Variants in SATB2 observed in about 807,000 individuals in gnomAD.
SATB2 encodes DNA-binding protein SATB2.
A neutral mutation model predicts 73.4 loss-of-function variants in SATB2; 1 was observed. That is an observed-to-expected ratio of 0.01 (90% CI 0.00 to 0.06). The LOEUF (loss-of-function observed/expected upper bound fraction) is 0.06, where lower values mean the gene tolerates loss of function less well. Ranked by LOEUF, SATB2 falls within the 10% of genes least tolerant of loss-of-function variation. SATB2 has a pLI of 1.00. For missense variants in SATB2, 459 were observed against 945.8 expected (o/e 0.49, Z 6.75); for synonymous variants, 397 against 367.0 (o/e 1.08, Z -0.93).
chr2:199,353,896 GC>G (rs35074365), intron 6 of SATB2, among the ~76,000 whole-genome samples: 1 of 152,120 alleles, frequency 6.6e-6, no homozygotes, highest in Non-Finnish European at 1.5e-5. Flanking sequence ...CATCACCTTG[GC>G]CCTAAGGGCC....
chr2:199,417,036 TCA>T (rs55763647), intron 3 of SATB2, among the ~76,000 whole-genome samples: 68,308 of 143,864 alleles, frequency 0.47, 16,059 homozygotes, highest in African/African-American at 0.49. Context: ...ACTCCGTCTC[TCA>T]CACACACACA....
Position 199,348,890 on chromosome 2 carries a change from A to G in SATB2, c.984T>C (p.Ala328=). 2 of 1,614,186 alleles carry G rather than the reference A, an allele frequency of 1.2e-6. No individual in the cohort carries two copies. Among genetic ancestry groups the G allele is most frequent in the Non-Finnish European group, 1.7e-6 (2 of 1,180,032 alleles). Residue 328 remains alanine (A), a synonymous_variant, in exon 7 of 11, where the codon GCT becomes GCC. Coordinates refer to ENST00000417098, the MANE Select transcript of SATB2 (RefSeq NM_001172509.2). ...NQQIAVSRLL[A]HQHPQAINQQ... is the part of the protein sequence containing the mutation. ...GGTTGATGGCTTGAGGATGCTGGTG[A>G]GCCAGGAGCCGGCTAACGGCAATCT...
At chr2:199,348,579 A>T in intron 7 of SATB2, 122 bp downstream of exon 7, 1 of 787,972 alleles carries the variant, frequency 1.3e-6, no homozygotes, top group Non-Finnish European at 2.1e-6. Flanking sequence ...AAGGATTATT[A>T]ATTAATCTAA....
Position 199,455,730 on chromosome 2 carries a change from GA to G in SATB2, c.169+138del, listed in dbSNP as rs1692252356. 3 of 934,896 alleles carry G rather than the reference GA, an allele frequency of 3.2e-6. No individual in the cohort carries two copies. The highest frequency in any genetic ancestry group is 4.9e-6 in the Non-Finnish European group (3 of 614,496). The allele number at this position is 934,896 out of a possible 1,614,324, so 57.9% of individuals were successfully genotyped here. ...AAGCTACCAGTTGCAGATGAGAGGC[GA>G]CGGGGGCATTATTTGGCAACCTGGA... On this transcript the variant is annotated intron_variant, in intron 2 of 10. Coordinates refer to ENST00000417098, the MANE Select transcript of SATB2 (RefSeq NM_001172509.2). The surrounding 1 kb of genome is among the most constrained non-coding windows in gnomAD (Gnocchi z 4.1).
In SATB2 at chr2:199,365,529, G is replaced by A. The variant is rs185537877; in HGVS notation, c.700+3076C>T. Among the ~76,000 whole-genome samples, 3 of 152,218 alleles carry A rather than the reference G, an allele frequency of 2.0e-5. No homozygotes were observed. In the East Asian group the frequency reaches 5.8e-4, roughly 29 times the overall value. ...ATTAAAGAAAAAAGGTAAACAGAAT[G>A]TGCTTTGCTGTGATCACTGGGGAAA... On this transcript the variant is annotated intron_variant, in intron 6 of 10. Coordinates refer to ENST00000417098, the MANE Select transcript of SATB2 (RefSeq NM_001172509.2).
chr2:199,271,354 C>A lies in SATB2; in HGVS notation c.*857G>T, dbSNP rs531993363. 1 of 152,636 alleles carries A rather than the reference C, an allele frequency of 6.6e-6. No homozygotes were observed. Among genetic ancestry groups the A allele is most frequent in the Admixed American group, 6.6e-5 (1 of 15,262 alleles). The allele number at this position is 152,636 out of a possible 1,614,324, so 9.5% of individuals were successfully genotyped here. On this transcript the variant is annotated 3_prime_UTR_variant, in exon 11 of 11. Coordinates refer to ENST00000417098, the MANE Select transcript of SATB2 (RefSeq NM_001172509.2). ...ATGCATCTGTTCACTACAGTAATGA[C>A]AAATTGAATAACGGAACGTAGCAAG...
chr2:199,435,046 G>A (rs1236638430), intron 2 of SATB2, among the ~76,000 whole-genome samples: 1 of 152,082 alleles, frequency 6.6e-6, no homozygotes, highest in African/African-American at 2.4e-5. Flanking sequence ...CTGCACAACA[G>A]TGTAACAAGT....
intron 2 of SATB2, among the ~76,000 whole-genome samples, chr2:199,445,773 G>A (rs561830004): frequency 6.6e-6 from 1 of 152,054 alleles, no homozygotes; most frequent in Admixed American, 6.6e-5. Flanking sequence ...AAGGGTTTGG[G>A]GTGTTCTAAT....
At chr2:199,400,199 G>T (rs970146599) in intron 3 of SATB2, among the ~76,000 whole-genome samples, 4 of 152,142 alleles carry the variant, frequency 2.6e-5, no homozygotes, top group Non-Finnish European at 5.9e-5. Context: ...TACAATTCAT[G>T]TGAAACCTCC....
chr2:199,323,911 G>A lies in SATB2; in HGVS notation c.1434C>T (p.Gly478=), dbSNP rs149056216. The stretch of plus-strand genomic sequence containing the variant: ...TGGCAGCTGTGATGTTGATGTTGGC[G>A]CCGTCCACCTTAATAGGGAGGTCTG... ...PTTDLPIKVD[G]ANINITAAIY... The change falls in exon 9 of 11, where the codon GGC becomes GGT. Residue 478 remains glycine (G), a synonymous_variant. Coordinates refer to ENST00000417098, the MANE Select transcript of SATB2 (RefSeq NM_001172509.2). 272 of 1,613,328 alleles carry A rather than the reference G, an allele frequency of 1.7e-4. No homozygotes were observed. In the African/African-American group the frequency reaches 3.2e-3, roughly 19 times the overall value.
intron 3 of SATB2, among the ~76,000 whole-genome samples, chr2:199,390,812 C>T (rs1690108654): frequency 6.6e-6 from 1 of 152,080 alleles, no homozygotes; most frequent in African/African-American, 2.4e-5. Context: ...GTTCAATATC[C>T]CTGGAAACTC....
At chr2:199,468,107 A>C (rs1026179234), upstream of SATB2, 4 of 146,302 alleles carry the variant, frequency 2.7e-5, no homozygotes, top group African/African-American at 1.0e-4. Context: ...CACTTGAAAC[A>C]TTCTGAGTGT....
At chr2:199,327,505 A>C (rs753609271) in intron 8 of SATB2, among the ~76,000 whole-genome samples, 2 of 152,140 alleles carry the variant, frequency 1.3e-5, no homozygotes, top group South Asian at 4.1e-4. Flanking sequence ...CTCAGACAGA[A>C]CCTGCAACTA....
chr2:199,440,106 A>T (rs1574631581), intron 2 of SATB2, among the ~76,000 whole-genome samples: 1 of 151,990 alleles, frequency 6.6e-6, no homozygotes, highest in East Asian at 1.9e-4. Flanking sequence ...ACTCTGCCTC[A>T]AATAATAATA....
At chr2:199,372,089 GA>G (rs1431169122) in intron 5 of SATB2, among the ~76,000 whole-genome samples, 18 of 152,000 alleles carry the variant, frequency 1.2e-4, no homozygotes, top group African/African-American at 4.4e-4. Flanking sequence ...TATATTCTAA[GA>G]TAAATTAAAA....
chr2:199,296,682 A>C (rs755645693), intron 10 of SATB2, among the ~76,000 whole-genome samples: 3 of 151,542 alleles, frequency 2.0e-5, no homozygotes, highest in Non-Finnish European at 2.9e-5. Flanking sequence ...CTGAGCAACC[A>C]GAGTAAGACC....
At position 199,349,811 on chromosome 2, in the gene SATB2, A is replaced by T. The variant is rs548339172; in HGVS notation, c.701-638T>A. On this transcript the variant is annotated intron_variant, in intron 6 of 10. Transcript: ENST00000417098. ...TCACAAAATTAATAACATCACCTCA[A>T]CTTGCCATTAAATGAAGTTCTCCTC... Among the ~76,000 whole-genome samples the T allele has an allele frequency of 1.4e-4, 21 of 152,262 alleles. No individual in the cohort carries two copies. The South Asian group carries it at 4.3e-3, about 32-fold the overall frequency.
At chr2:199,374,967 A>C (rs1689556614) in intron 5 of SATB2, among the ~76,000 whole-genome samples, 1 of 148,516 alleles carries the variant, frequency 6.7e-6, no homozygotes, top group Admixed American at 6.7e-5. Context: ...CCGTCGCAAA[A>C]AGAAAAAAAA....
intron 3 of SATB2, among the ~76,000 whole-genome samples, chr2:199,389,833 GCTGT>G (rs1296454801): frequency 2.6e-5 from 4 of 152,008 alleles, no homozygotes; most frequent in Non-Finnish European, 5.9e-5. Context: ...TAGTGATACA[GCTGT>G]CTGTCACACT....
Sources: allele counts gnomAD v4.1 joint callset (sites outside exome capture counted in the v4.1 genomes callset), GRCh38; gene constraint gnomAD v4.1.1; non-coding constraint Gnocchi (gnomAD v3.1); transcripts MANE v1.5; gene names NCBI Gene and HGNC (gene_info 2026-07-23, HGNC 2026-07-21).